Variants in ATAD1 observed in about 807,000 individuals in gnomAD.
ATAD1 encodes outer mitochondrial transmembrane helix translocase.
Under a neutral mutation model 42.7 loss-of-function variants are expected in ATAD1, and 18 were observed. The observed-to-expected ratio is 0.42, with a 90% CI of 0.29 to 0.63. The LOEUF is 0.63. ATAD1 is among the 20% of genes least tolerant of loss of function. The pLI, the probability that ATAD1 is intolerant of heterozygous loss-of-function variation, is 0.19. For synonymous variants in ATAD1, 132 were observed against 143.1 expected, an observed-to-expected ratio of 0.92 and a Z score of 0.55; for missense variants, 294 against 440.4, an observed-to-expected ratio of 0.67 and a Z score of 2.98.
At chr10:87,760,123 C>A (rs66863455) in intron 8 of ATAD1, among the ~76,000 whole-genome samples, 44,658 of 152,052 alleles carry the variant, frequency 0.29, 6,776 homozygotes, top group Non-Finnish European at 0.31. Context: ...CATCTATGTA[C>A]TCTAAGCATT....
chr10:87,776,993 CA>C (rs1215469067), intron 5 of ATAD1, among the ~76,000 whole-genome samples: 2 of 151,996 alleles, frequency 1.3e-5, no homozygotes, highest in East Asian at 1.9e-4. Flanking sequence ...TGAAAGATTA[CA>C]AAAAAATTGG....
At chr10:87,759,679 A>T in intron 8 of ATAD1, 1 of 418,930 alleles carries the variant, frequency 2.4e-6, no homozygotes, top group Non-Finnish European at 4.7e-6. Flanking sequence ...GGGGAGCAAG[A>T]TTTAATTAAG....
chr10:87,757,288 C>A (rs66704193), intron 8 of ATAD1, among the ~76,000 whole-genome samples: 39,066 of 140,228 alleles, frequency 0.28, 5,800 homozygotes, highest in Non-Finnish European at 0.31. Flanking sequence ...AAAAAAAAAA[C>A]AAAACACTCA....
At chr10:87,809,770 C>T (rs1361252436) in intron 2 of ATAD1, among the ~76,000 whole-genome samples, 1 of 151,988 alleles carries the variant, frequency 6.6e-6, no homozygotes, top group African/African-American at 2.4e-5. Flanking sequence ...GATTCTCCTC[C>T]TGAGTATCTG....
chr10:87,751,529 A>G lies in ATAD1; in HGVS notation c.*3158T>C, dbSNP rs1395242582. ...TTAGTCAATTATGTTAGAAGCTCAT[A>G]TTTAATAAGGTTCAAGTTCTCCTCA... On this transcript the variant is annotated 3_prime_UTR_variant, in exon 10 of 10. Transcript: ENST00000680024. 1 of 152,200 alleles carries G rather than the reference A, an allele frequency of 6.6e-6. No individual in the cohort carries two copies. Among genetic ancestry groups the G allele is most frequent in the East Asian group, 1.9e-4 (1 of 5,200 alleles). 9.4% of individuals were successfully genotyped at this position (152,200 alleles called of 1,614,324 possible).
upstream of ATAD1, chr10:87,818,911 C>G (rs1250910362): frequency 6.6e-6 from 1 of 152,316 alleles, no homozygotes; most frequent in Non-Finnish European, 1.5e-5. Context: ...GAACGAGCGA[C>G]GTGACACAAG....
At chr10:87,778,380 AT>A (rs1478030711) in intron 5 of ATAD1, among the ~76,000 whole-genome samples, 1 of 137,844 alleles carries the variant, frequency 7.3e-6, no homozygotes, top group African/African-American at 2.7e-5. Flanking sequence ...CAGGTTGAGT[AT>A]CCCTCCCTTA....
At chr10:87,796,690 G>A (rs1044293999) in intron 2 of ATAD1, among the ~76,000 whole-genome samples, 1 of 152,162 alleles carries the variant, frequency 6.6e-6, no homozygotes, top group Non-Finnish European at 1.5e-5. Flanking sequence ...GATATGTGGG[G>A]TTCACATTTT....
At chr10:87,824,245 G>A (rs6586103) in intron 1 of ATAD1, among the ~76,000 whole-genome samples, 84,727 of 151,900 alleles carry the variant, frequency 0.56, 26,522 homozygotes, top group African/African-American at 0.82. Flanking sequence ...AAGGGGGGAG[G>A]AAAGACAAGT....
At chr10:87,803,790 C>T (rs1454842402) in intron 2 of ATAD1, among the ~76,000 whole-genome samples, 8 of 152,322 alleles carry the variant, frequency 5.3e-5, no homozygotes, top group Middle Eastern at 3.4e-3. Flanking sequence ...ATTTGCGGTT[C>T]GCAGTACTAT....
At chr10:87,792,528 T>C in intron 3 of ATAD1, 129 bp downstream of exon 3, 1 of 661,542 alleles carries the variant, frequency 1.5e-6, no homozygotes, top group Non-Finnish European at 2.6e-6. Context: ...AATACAACTA[T>C]ATGCCGAGTC....
At chr10:87,757,540 A>G (rs1854280683) in intron 8 of ATAD1, among the ~76,000 whole-genome samples, 1 of 152,174 alleles carries the variant, frequency 6.6e-6, no homozygotes. Flanking sequence ...TCACTGGGGT[A>G]AGCACTTTGC....
At chr10:87,816,941 T>C (rs1857444168) in intron 1 of ATAD1, among the ~76,000 whole-genome samples, 1 of 152,270 alleles carries the variant, frequency 6.6e-6, no homozygotes, top group African/African-American at 2.4e-5. Context: ...TTGAACTACA[T>C]GAACAAATTA....
In ATAD1 at chr10:87,814,452, C is replaced by A; in HGVS notation, c.148G>T (p.Glu50Ter). 3 of 1,598,010 alleles carry A rather than the reference C, an allele frequency of 1.9e-6. No individual in the cohort carries two copies. Among genetic ancestry groups the A allele is most frequent in the Non-Finnish European group, 2.6e-6 (3 of 1,172,754 alleles). ...TTCAATCATACCTGTTTCTGAGCTT[C>A]TACTTTTTGCTTTCTGGTTGGATCA... The part of the protein sequence containing the change: ...AIDPTRKQKV[E>*]AQKQAEKLMK... The change falls in exon 2 of 10, where the codon GAA becomes TAA. Residue 50 changes from glutamate (E) to a stop codon, truncating the protein, a stop_gained. Transcript: ENST00000680024. LOFTEE classifies it high-confidence loss of function.
chr10:87,814,792 A>C, intron 1 of ATAD1, 180 bp from the exon 2 acceptor site: 1 of 400,758 alleles, frequency 2.5e-6, no homozygotes, highest in Non-Finnish European at 4.2e-6. Context: ...TAAGTAAACA[A>C]ATACATTTAA....
At chr10:87,813,194 A>G (rs1483440793) in intron 2 of ATAD1, among the ~76,000 whole-genome samples, 2 of 152,184 alleles carry the variant, frequency 1.3e-5, no homozygotes, top group East Asian at 3.8e-4. Context: ...AAAAAAAGAC[A>G]AAATTATCTT....
Position 87,768,658 on chromosome 10 carries a change from C to T in ATAD1, c.781-935G>A, listed in dbSNP as rs552114977. Among the ~76,000 whole-genome samples, 4 of 152,298 alleles carry T rather than the reference C, an allele frequency of 2.6e-5. No individual in the cohort carries two copies. The East Asian group carries it at 7.7e-4, about 29-fold the overall frequency. ...TTTCCATTTCTATGTTAACACTATA[C>T]AAATTTATAATAAACTTGATAAAAC... On this transcript the variant is annotated intron_variant, in intron 7 of 9. Transcript: ENST00000680024.
At chr10:87,824,956 C>G (rs1161026396) in intron 1 of ATAD1, among the ~76,000 whole-genome samples, 1 of 152,188 alleles carries the variant, frequency 6.6e-6, no homozygotes, top group East Asian at 1.9e-4. Context: ...ATTTATCGAT[C>G]CATGAAAATT....
At chr10:87,830,276 T>A (rs1002995075) in intron 1 of ATAD1, among the ~76,000 whole-genome samples, 4 of 152,210 alleles carry the variant, frequency 2.6e-5, no homozygotes, top group African/African-American at 9.7e-5. Context: ...CAATCATGAT[T>A]TTTCAGAATA....
Sources: allele counts gnomAD v4.1 joint callset (sites outside exome capture counted in the v4.1 genomes callset), GRCh38; gene constraint gnomAD v4.1.1; transcripts MANE v1.5; gene names NCBI Gene and HGNC (gene_info 2026-07-23, HGNC 2026-07-21).